ANXA2: variants seen among roughly 807,000 people sequenced by gnomAD.
ANXA2 encodes annexin A2.
A neutral mutation model predicts 47.3 loss-of-function variants in ANXA2; 28 were observed. The observed-to-expected ratio is 0.59, with a 90% CI of 0.44 to 0.81. The LOEUF (loss-of-function observed/expected upper bound fraction) is 0.81. Ranked by LOEUF, ANXA2 falls within the 40% of genes least tolerant of loss-of-function variation. The pLI, the probability that ANXA2 is intolerant of heterozygous loss-of-function variation, is 0.00. For synonymous variants in ANXA2, 172 were observed against 155.5 expected (o/e 1.11, Z -0.79); for missense variants, 384 against 414.3 (o/e 0.93, Z 0.64).
chr15:60,364,359 A>C, intron 4 of ANXA2, 70 bp downstream of exon 4: 1 of 1,256,922 alleles, frequency 8.0e-7, no homozygotes, highest in African/African-American at 1.5e-5. Flanking sequence ...AATTCATGAA[A>C]AGAAAAAGCA....
intron 11 of ANXA2, 122 bp downstream of exon 11, chr15:60,351,071 G>T: frequency 3.3e-6 from 3 of 906,738 alleles, no homozygotes; most frequent in Non-Finnish European, 5.3e-6. Flanking sequence ...TGACTAGTGT[G>T]TTCCTGCATC....
chr15:60,355,510 C>G (rs2062413565), intron 7 of ANXA2: 1 of 300,118 alleles, frequency 3.3e-6, no homozygotes, highest in Admixed American at 4.8e-5. Context: ...AACTCCACCC[C>G]AGACAAAGGA....
intron 3 of ANXA2, among the ~76,000 whole-genome samples, chr15:60,366,989 C>G (rs2062625965): frequency 2.4e-5 from 2 of 84,212 alleles, no homozygotes; most frequent in Non-Finnish European, 4.8e-5. Flanking sequence ...GTCAGCCCCC[C>G]GCCCGGCCAG....
chr15:60,375,543 T>C (rs2062764946), intron 3 of ANXA2, among the ~76,000 whole-genome samples: 1 of 152,216 alleles, frequency 6.6e-6, no homozygotes, highest in Non-Finnish European at 1.5e-5. Flanking sequence ...CCAAGGCCAA[T>C]CTAAACCAAG....
chr15:60,381,861 G>A (rs2140909391), intron 3 of ANXA2, among the ~76,000 whole-genome samples: 1 of 152,222 alleles, frequency 6.6e-6, no homozygotes, highest in African/African-American at 2.4e-5. Flanking sequence ...TTGCAGAAGA[G>A]GGACTGAAGC....
chr15:60,370,546 T>C (rs2062697259), intron 3 of ANXA2, among the ~76,000 whole-genome samples: 1 of 152,160 alleles, frequency 6.6e-6, no homozygotes, highest in East Asian at 1.9e-4. Flanking sequence ...CTGTGAAAAA[T>C]TGTTCAGTAC....
At chr15:60,387,071 C>A (rs960369467) in intron 1 of ANXA2, 3 of 152,226 alleles carry the variant, frequency 2.0e-5, no homozygotes, top group African/African-American at 7.2e-5. Flanking sequence ...TAAATATTTT[C>A]ATAAAACTGG....
At chr15:60,362,202 C>T (rs1198026578) in intron 4 of ANXA2, among the ~76,000 whole-genome samples, 3 of 152,134 alleles carry the variant, frequency 2.0e-5, no homozygotes. Flanking sequence ...CACCAGTCTC[C>T]CAGTTTGGAA....
intron 1 of ANXA2, chr15:60,390,139 A>C: frequency 3.4e-6 from 1 of 291,766 alleles, no homozygotes; most frequent in Non-Finnish European, 5.3e-6. Context: ...CATAACATTT[A>C]TACTATGTAT....
chr15:60,388,766 G>C (rs1230935151), intron 1 of ANXA2, among the ~76,000 whole-genome samples: 35 of 148,048 alleles, frequency 2.4e-4, no homozygotes, highest in African/African-American at 8.5e-4. Flanking sequence ...CTGAGACAGG[G>C]TTTCTCTCTC....
chr15:60,393,073 T>A, intron 1 of ANXA2: 1 of 1,287,810 alleles, frequency 7.8e-7, no homozygotes, highest in Non-Finnish European at 1.0e-6. Flanking sequence ...CTTGGTTTTA[T>A]GGTCTTGATT....
intron 1 of ANXA2, chr15:60,393,776 T>C (rs1209952532): frequency 2.4e-6 from 2 of 829,330 alleles, no homozygotes; most frequent in Non-Finnish European, 2.9e-6. Flanking sequence ...CTGTCTTCCG[T>C]ATTATCCGCC....
chr15:60,348,532 C>A (rs1895834451), intron 12 of ANXA2, among the ~76,000 whole-genome samples: 1 of 152,130 alleles, frequency 6.6e-6, no homozygotes, highest in Admixed American at 6.5e-5. Context: ...ATCACGAGGT[C>A]AGGAGATCGA....
intron 1 of ANXA2, chr15:60,396,487 A>C (rs550731397): frequency 3.9e-5 from 6 of 152,342 alleles, no homozygotes; most frequent in African/African-American, 1.4e-4. Context: ...TAATTTTCCA[A>C]TTAAAATAAT....
intron 12 of ANXA2, among the ~76,000 whole-genome samples, chr15:60,347,907 A>G (rs1895798037): frequency 6.6e-6 from 1 of 152,012 alleles, no homozygotes; most frequent in Admixed American, 6.6e-5. Context: ...TGGGGAAGAC[A>G]CTCAAGGCTC....
rs116367881 is a variant in ANXA2 at position 60,352,481 on chromosome 15, G to A, written c.589-5C>T. 25,020 of 1,607,602 alleles carry A rather than the reference G, an allele frequency of 0.016. 330 individuals carry two copies. Among genetic ancestry groups the A allele is most frequent in the African/African-American group, 0.071 (5,298 of 74,742 alleles). On this transcript the variant is annotated splice_polypyrimidine_tract_variant and splice_region_variant and intron_variant, in intron 8 of 12. Coordinates refer to ENST00000451270, the MANE Select transcript of ANXA2 (RefSeq NM_004039.3). The surrounding 1 kb of genome is among the most constrained non-coding windows in gnomAD (Gnocchi z 4.2). The stretch of plus-strand genomic sequence containing the variant: ...CACTCCAGCGTCATAGAGATCCTAC[G>A]AGTACAACCAACCAGGAAAAGTTAA...
intron 1 of ANXA2, among the ~76,000 whole-genome samples, chr15:60,389,637 T>G (rs1385429008): frequency 6.6e-6 from 1 of 152,240 alleles, no homozygotes; most frequent in Non-Finnish European, 1.5e-5. Context: ...CAGTCCTGCA[T>G]GCCACCACCA....
In ANXA2 at chr15:60,347,568, C is replaced by G. The variant is rs2140751667; in HGVS notation, c.*62G>C. 1 of 1,561,984 alleles carries G rather than the reference C, an allele frequency of 6.4e-7. No homozygotes were observed. The highest frequency in any genetic ancestry group is 8.8e-7 in the Non-Finnish European group (1 of 1,133,218). On this transcript the variant is annotated 3_prime_UTR_variant, in exon 13 of 13. Coordinates refer to ENST00000451270, the MANE Select transcript of ANXA2 (RefSeq NM_004039.3). ...GGACTGTTATTCGCAAGCTGGTTTT[C>G]TAGACCTGTTAGCTGGAAGCATGGT...
chr15:60,363,481 A>T (rs2062547840), intron 4 of ANXA2, among the ~76,000 whole-genome samples: 1 of 152,212 alleles, frequency 6.6e-6, no homozygotes, highest in African/African-American at 2.4e-5. Flanking sequence ...TACAAGTGAA[A>T]GCCATAAGTC....
Sources: allele counts gnomAD v4.1 joint callset (sites outside exome capture counted in the v4.1 genomes callset), GRCh38; gene constraint gnomAD v4.1.1; non-coding constraint Gnocchi (gnomAD v3.1); transcripts MANE v1.5; gene names NCBI Gene and HGNC (gene_info 2026-07-23, HGNC 2026-07-21).